The following TRPM3 variants were observed in gnomAD, a reference collection of about 807,000 sequenced individuals.
The protein encoded by TRPM3 is transient receptor potential cation channel subfamily M member 3, also known as long transient receptor potential channel 3.
In TRPM3, 77 loss-of-function variants were observed where a neutral mutation model predicts 181.2. The observed-to-expected ratio is 0.42, with a 90% CI of 0.35 to 0.51. The LOEUF is 0.51. Among genes scored for constraint, TRPM3 ranks in the 20% least tolerant of loss-of-function variants. The probability of loss-of-function intolerance (pLI) is 0.01; values close to 1 mark genes in which losing one functional copy is unlikely to be tolerated. For synonymous variants in TRPM3, 745 were observed against 796.4 expected, an observed-to-expected ratio of 0.94 and a Z score of 1.09; for missense variants, 1,759 against 2,196.7, an observed-to-expected ratio of 0.80 and a Z score of 3.98.
chr9:71,388,076 G>A (rs1457984249), intron 1 of TRPM3, among the ~76,000 whole-genome samples: 2 of 152,040 alleles, frequency 1.3e-5, no homozygotes, highest in African/African-American at 4.8e-5. Context: ...TGTTAGTCAG[G>A]GATTTCTGTG....
chr9:71,065,421 G>A (rs1475650067), intron 1 of TRPM3, among the ~76,000 whole-genome samples: 1 of 152,104 alleles, frequency 6.6e-6, no homozygotes. Context: ...GTGAATCAAT[G>A]AATTAGCCCT....
intron 1 of TRPM3, among the ~76,000 whole-genome samples, chr9:70,881,775 G>T (rs1238618506): frequency 6.6e-6 from 1 of 152,116 alleles, no homozygotes; most frequent in Non-Finnish European, 1.5e-5. Context: ...TTACAGTACT[G>T]CCTTTAGAGT....
chr9:71,407,720 G>A (rs2093464039), intron 1 of TRPM3, among the ~76,000 whole-genome samples: 1 of 152,214 alleles, frequency 6.6e-6, no homozygotes, highest in Non-Finnish European at 1.5e-5. Flanking sequence ...GTTTAAGAGA[G>A]CAGTGGTTCT....
chr9:70,678,380 G>A (rs1278205268), intron 9 of TRPM3, among the ~76,000 whole-genome samples: 6 of 152,054 alleles, frequency 3.9e-5, no homozygotes, highest in South Asian at 2.1e-4. Flanking sequence ...TGCTACTCCC[G>A]CCTCAACCTC....
At chr9:70,586,968 T>C (rs2057245372) in intron 22 of TRPM3, among the ~76,000 whole-genome samples, 1 of 151,732 alleles carries the variant, frequency 6.6e-6, no homozygotes, top group African/African-American at 2.4e-5. Context: ...TCAGTCAACA[T>C]CACAGAGACA....
At chr9:70,750,055 C>T (rs2075854602) in intron 8 of TRPM3, among the ~76,000 whole-genome samples, 1 of 152,180 alleles carries the variant, frequency 6.6e-6, no homozygotes, top group Non-Finnish European at 1.5e-5. Context: ...AGGGTCCCTA[C>T]AGAAGCAACG....
intron 6 of TRPM3, among the ~76,000 whole-genome samples, chr9:70,801,881 C>T (rs1410373): frequency 0.75 from 113,979 of 152,038 alleles, 43,428 homozygotes; most frequent in South Asian, 0.84. Flanking sequence ...AAAACTAATT[C>T]GTTCACTGAA....
chr9:70,636,109 A>C (rs1278969482), intron 11 of TRPM3, among the ~76,000 whole-genome samples: 1 of 152,220 alleles, frequency 6.6e-6, no homozygotes, highest in Non-Finnish European at 1.5e-5. Context: ...GTCTTTACTG[A>C]AACTGTTCAA....
intron 4 of TRPM3, among the ~76,000 whole-genome samples, chr9:70,843,797 A>T (rs2132026616): frequency 6.7e-6 from 1 of 149,264 alleles, no homozygotes; most frequent in East Asian, 1.9e-4. Context: ...CTTTTTAAAA[A>T]CCATTTAAAG....
At chr9:70,776,651 T>C (rs1168476140) in intron 7 of TRPM3, among the ~76,000 whole-genome samples, 1 of 152,192 alleles carries the variant, frequency 6.6e-6, no homozygotes, top group Non-Finnish European at 1.5e-5. Context: ...TCAAGTCTGA[T>C]AGACGTTTGG....
At chr9:70,753,900 T>C (rs1292281852) in intron 8 of TRPM3, among the ~76,000 whole-genome samples, 1 of 152,036 alleles carries the variant, frequency 6.6e-6, no homozygotes, top group Non-Finnish European at 1.5e-5. Context: ...GTAGAGTGAA[T>C]GATAGGACTC....
chr9:71,081,456 T>A (rs1378688159), intron 1 of TRPM3, among the ~76,000 whole-genome samples: 1 of 152,166 alleles, frequency 6.6e-6, no homozygotes, highest in Admixed American at 6.5e-5. Context: ...AATTCTTACA[T>A]TGGTGCCCAG....
intron 1 of TRPM3, among the ~76,000 whole-genome samples, chr9:71,075,434 T>C (rs1319779458): frequency 1.3e-5 from 2 of 152,172 alleles, no homozygotes; most frequent in African/African-American, 4.8e-5. Flanking sequence ...TTAGAAGTGG[T>C]CAGCTCATTT....
chr9:70,916,905 G>A, intron 1 of TRPM3: 1 of 843,696 alleles, frequency 1.2e-6, no homozygotes, highest in Non-Finnish European at 1.8e-6. Flanking sequence ...GGGGAGGCAA[G>A]TGGTTCACTT....
rs878967675 is a variant in TRPM3, at chr9:70,549,680, G to T, written c.3575-6C>A. On this transcript the variant is annotated splice_region_variant and splice_polypyrimidine_tract_variant and intron_variant, in intron 24 of 25. Coordinates refer to ENST00000677713, the MANE Select transcript of TRPM3 (RefSeq NM_001366145.2). ...ATCATCGGTTATGAAGAGTTCTGTG[G>T]AAAAAAAAAAAAAGGAAGTCTTGAG... 1.6e-6 allele frequency: 2 copies of T among 1,247,112 alleles called. No individual in the cohort carries two copies. Among genetic ancestry groups the T allele is most frequent in the Non-Finnish European group, 1.1e-6 (1 of 927,606 alleles). 77.3% of individuals were successfully genotyped at this position (1,247,112 alleles called of 1,614,324 possible).
intron 1 of TRPM3, among the ~76,000 whole-genome samples, chr9:71,166,238 A>G (rs1008210320): frequency 1.3e-5 from 2 of 152,118 alleles, no homozygotes. Flanking sequence ...CACCAAATGG[A>G]GGATGAACAA....
chr9:71,049,718 T>C (rs1467191344), intron 1 of TRPM3, among the ~76,000 whole-genome samples: 1 of 152,144 alleles, frequency 6.6e-6, no homozygotes, highest in Non-Finnish European at 1.5e-5. Flanking sequence ...TTGTTTCTGC[T>C]GGGCTGCAAC....
chr9:71,412,150 A>T (rs1446197523), intron 1 of TRPM3, among the ~76,000 whole-genome samples: 1 of 152,214 alleles, frequency 6.6e-6, no homozygotes, highest in African/African-American at 2.4e-5. Flanking sequence ...AAACCCTAGA[A>T]GAAAACCTAG....
At chr9:71,222,451 T>C (rs551643389) in intron 1 of TRPM3, among the ~76,000 whole-genome samples, 1 of 152,284 alleles carries the variant, frequency 6.6e-6, no homozygotes, top group African/African-American at 2.4e-5. Flanking sequence ...ATGATTGAGA[T>C]AGGCAATTTT....
Sources: gnomAD v4.1 joint callset for allele counts (sites outside exome capture counted in the v4.1 genomes callset) on GRCh38, gnomAD v4.1.1 for gene constraint, MANE v1.5 for transcripts, NCBI Gene and HGNC (gene_info 2026-07-23, HGNC 2026-07-21) for gene names.